Variants in RBFOX1 observed in about 807,000 individuals in gnomAD.
RBFOX1 encodes RNA binding protein fox-1 homolog 1.
Under a neutral mutation model 57.7 loss-of-function variants are expected in RBFOX1, and 8 were observed. That is an observed-to-expected ratio of 0.14 (90% CI 0.08 to 0.25). RBFOX1 has a LOEUF of 0.25. RBFOX1 is among the 10% of genes least tolerant of loss of function. RBFOX1 has a pLI of 1.00. For synonymous variants in RBFOX1, 326 were observed against 222.4 expected (o/e 1.47, Z -4.15); for missense variants, 611 against 548.5 (o/e 1.11, Z -1.14).
intron 2 of RBFOX1, among the ~76,000 whole-genome samples, chr16:6,568,933 C>T (rs748822729): frequency 1.3e-5 from 2 of 152,044 alleles, no homozygotes; most frequent in African/African-American, 2.4e-5. Flanking sequence ...CCATTATGCC[C>T]ACGTGATTTT....
intron 3 of RBFOX1, among the ~76,000 whole-genome samples, chr16:6,863,107 T>A (rs576235948): frequency 4.0e-4 from 61 of 152,098 alleles, no homozygotes; most frequent in Non-Finnish European, 6.8e-4. Flanking sequence ...TTTTACAGAT[T>A]ATTGGTGGGA....
chr16:5,893,648 A>C (rs2058094985), intron 4 of RBFOX1, among the ~76,000 whole-genome samples: 1 of 152,116 alleles, frequency 6.6e-6, no homozygotes, highest in East Asian at 1.9e-4. Flanking sequence ...CTCCACTAAA[A>C]ATAAAAAATT....
chr16:6,121,701 A>G (rs1231392357), intron 1 of RBFOX1, among the ~76,000 whole-genome samples: 2 of 152,100 alleles, frequency 1.3e-5, no homozygotes, highest in African/African-American at 4.8e-5. Context: ...CTTAAGGTCA[A>G]GGGTGTCAGG....
chr16:6,061,185 G>A (rs2095681601), intron 1 of RBFOX1, among the ~76,000 whole-genome samples: 1 of 152,092 alleles, frequency 6.6e-6, no homozygotes, highest in Admixed American at 6.6e-5. Context: ...CAGATACAGG[G>A]GTGGATTCTA....
intron 3 of RBFOX1, among the ~76,000 whole-genome samples, chr16:5,856,585 A>ATG (rs2057074284): frequency 2.7e-5 from 2 of 74,228 alleles, no homozygotes; most frequent in Non-Finnish European, 2.8e-5. Flanking sequence ...GTATATATAT[A>ATG]TATATATATA....
intron 4 of RBFOX1, among the ~76,000 whole-genome samples, chr16:7,127,253 A>G (rs1313209341): frequency 6.6e-6 from 1 of 152,158 alleles, no homozygotes. Context: ...TCCTGTATCC[A>G]TGGTGTTGTC....
chr16:7,428,323 CTTTTT>C (rs201523653), intron 4 of RBFOX1, among the ~76,000 whole-genome samples: 1 of 112,332 alleles, frequency 8.9e-6, no homozygotes, highest in African/African-American at 3.6e-5. Flanking sequence ...GAATTAATAT[CTTTTT>C]TTTTTTTTTT....
intron 14 of RBFOX1, among the ~76,000 whole-genome samples, chr16:7,685,689 G>A (rs1284089285): frequency 6.6e-6 from 1 of 152,058 alleles, no homozygotes; most frequent in South Asian, 2.1e-4. Context: ...GCAGTAGCAA[G>A]TACATTAAAT....
chr16:7,084,234 C>G (rs1416920197), intron 4 of RBFOX1, among the ~76,000 whole-genome samples: 1 of 151,770 alleles, frequency 6.6e-6, no homozygotes, highest in African/African-American at 2.4e-5. Flanking sequence ...GTCAAATGGA[C>G]TATATATGTA....
Position 6,610,888 on chromosome 16 carries a change from T to G in RBFOX1, c.-63-43715T>G, listed in dbSNP as rs563545491. 2.0e-5 allele frequency among the ~76,000 whole-genome samples: 3 copies of G among 152,332 alleles called. No homozygotes were observed. In the South Asian group the frequency reaches 6.2e-4, roughly 32 times the overall value. On this transcript the variant is annotated intron_variant, in intron 2 of 15. Coordinates refer to ENST00000550418, the MANE Select transcript of RBFOX1 (RefSeq NM_018723.4). ...TCTTTTAAAAGTAGGTCATTTGATA[T>G]GCCTGTTCCACTGATAACATATCTT...
chr16:5,704,249 T>C (rs1481867137), intron 3 of RBFOX1, among the ~76,000 whole-genome samples: 1 of 152,098 alleles, frequency 6.6e-6, no homozygotes, highest in Non-Finnish European at 1.5e-5. Flanking sequence ...ATAATTTGGA[T>C]AAAAGTTATG....
intron 1 of RBFOX1, among the ~76,000 whole-genome samples, chr16:5,452,265 T>G (rs1221466579): frequency 1.3e-5 from 2 of 152,018 alleles, no homozygotes; most frequent in Non-Finnish European, 2.9e-5. Context: ...ATTACAGGCA[T>G]GCACCACCAC....
intron 3 of RBFOX1, among the ~76,000 whole-genome samples, chr16:5,723,010 G>A (rs1187980518): frequency 6.6e-6 from 1 of 152,168 alleles, no homozygotes; most frequent in Non-Finnish European, 1.5e-5. Context: ...GGGCACATAA[G>A]GCTCTCAGTT....
chr16:6,926,733 AAG>A (rs1460592332), intron 3 of RBFOX1, among the ~76,000 whole-genome samples: 2 of 152,204 alleles, frequency 1.3e-5, no homozygotes, highest in East Asian at 1.9e-4. Flanking sequence ...GAACTGGTGA[AAG>A]AGAGCACACT....
At chr16:6,485,952 G>A (rs2095471068) in intron 2 of RBFOX1, among the ~76,000 whole-genome samples, 1 of 150,460 alleles carries the variant, frequency 6.6e-6, no homozygotes. Context: ...AACAAAAATA[G>A]TTTTTCTTTT....
intron 3 of RBFOX1, among the ~76,000 whole-genome samples, chr16:6,970,434 A>T (rs2085281941): frequency 6.6e-6 from 1 of 152,222 alleles, no homozygotes; most frequent in East Asian, 1.9e-4. Flanking sequence ...CTACATCAAG[A>T]TACCTTAGCC....
At chr16:6,994,160 C>T (rs1220157533) in intron 3 of RBFOX1, among the ~76,000 whole-genome samples, 2 of 152,116 alleles carry the variant, frequency 1.3e-5, no homozygotes, top group South Asian at 2.1e-4. Flanking sequence ...TTGGCGGGAT[C>T]AGGGAGCCAC....
chr16:7,578,365 G>C (rs2093493118), intron 5 of RBFOX1, among the ~76,000 whole-genome samples: 2 of 152,162 alleles, frequency 1.3e-5, no homozygotes, highest in South Asian at 4.1e-4. Flanking sequence ...GAAGTCAACT[G>C]GTAGGTCTTT....
intron 3 of RBFOX1, among the ~76,000 whole-genome samples, chr16:5,672,937 G>T (rs936276587): frequency 6.6e-6 from 1 of 151,792 alleles, no homozygotes; most frequent in Non-Finnish European, 1.5e-5. Flanking sequence ...TCTCCATCCT[G>T]AACTTTTGCA....
Sources: gnomAD v4.1 joint callset for allele counts (sites outside exome capture counted in the v4.1 genomes callset) on GRCh38, gnomAD v4.1.1 for gene constraint, MANE v1.5 for transcripts, NCBI Gene and HGNC (gene_info 2026-07-23, HGNC 2026-07-21) for gene names.